The following STAM variants were observed in gnomAD, a reference collection of about 807,000 sequenced individuals.
The protein encoded by STAM is signal transducing adapter molecule 1.
STAM carries 16 observed loss-of-function variants against 63.4 expected under a neutral mutation model. That is an observed-to-expected ratio of 0.25 (90% CI 0.17 to 0.38). The LOEUF is 0.38. Ranked by LOEUF, STAM falls within the 10% of genes least tolerant of loss-of-function variation. STAM has a pLI of 1.00. For synonymous variants in STAM, 238 were observed against 223.9 expected, an observed-to-expected ratio of 1.06 and a Z score of -0.56; for missense variants, 636 against 657.1, an observed-to-expected ratio of 0.97 and a Z score of 0.35.
chr10:17,660,230 CTTTTA>C (rs1834109600), intron 1 of STAM, among the ~76,000 whole-genome samples: 2 of 151,918 alleles, frequency 1.3e-5, no homozygotes, highest in African/African-American at 4.8e-5. Context: ...AAATCAATGC[CTTTTA>C]TTTTATACTA....
chr10:17,682,649 T>C (rs1290378711), intron 2 of STAM, among the ~76,000 whole-genome samples: 3 of 152,208 alleles, frequency 2.0e-5, no homozygotes, highest in Non-Finnish European at 4.4e-5. Context: ...TTATCAGTGT[T>C]TGTTTTATAG....
At chr10:17,653,868 G>A (rs1010055151) in intron 1 of STAM, among the ~76,000 whole-genome samples, 10 of 152,160 alleles carry the variant, frequency 6.6e-5, no homozygotes, top group Non-Finnish European at 1.2e-4. Flanking sequence ...AGACAACTGC[G>A]TATCTCTATT....
intron 5 of STAM, among the ~76,000 whole-genome samples, chr10:17,691,246 C>T (rs929139510): frequency 1.3e-5 from 2 of 152,138 alleles, no homozygotes; most frequent in East Asian, 1.9e-4. Flanking sequence ...TGGCCGGGCG[C>T]GGTGGCTCAC....
At chr10:17,714,315 C>G (rs1554830420) in intron 13 of STAM, among the ~76,000 whole-genome samples, 1 of 151,988 alleles carries the variant, frequency 6.6e-6, no homozygotes, top group African/African-American at 2.4e-5. Context: ...GCAAACCACC[C>G]CCCCCAACTT....
chr10:17,650,508 C>T (rs1224056646), intron 1 of STAM, among the ~76,000 whole-genome samples: 1 of 152,142 alleles, frequency 6.6e-6, no homozygotes, highest in Non-Finnish European at 1.5e-5. Flanking sequence ...TCATACAAGT[C>T]GTGAACTTGG....
chr10:17,649,051 C>T (rs1554821254), intron 1 of STAM, among the ~76,000 whole-genome samples: 1 of 152,176 alleles, frequency 6.6e-6, no homozygotes, highest in Non-Finnish European at 1.5e-5. Context: ...CACACCCATT[C>T]AGGACTCTGT....
At chr10:17,648,892 C>T (rs1480518587) in intron 1 of STAM, among the ~76,000 whole-genome samples, 24 of 152,128 alleles carry the variant, frequency 1.6e-4, no homozygotes, top group African/African-American at 5.8e-4. Flanking sequence ...TCCTGTGTGT[C>T]TGATATGATT....
At chr10:17,706,724 A>T (rs1369065902) in intron 12 of STAM, among the ~76,000 whole-genome samples, 1 of 151,804 alleles carries the variant, frequency 6.6e-6, no homozygotes, top group Non-Finnish European at 1.5e-5. Flanking sequence ...TTACTTAAGA[A>T]CCTTAGTTCT....
chr10:17,692,248 C>T (rs1374529364), intron 5 of STAM, among the ~76,000 whole-genome samples: 1 of 152,176 alleles, frequency 6.6e-6, no homozygotes, highest in African/African-American at 2.4e-5. Flanking sequence ...ACTCATATCG[C>T]AGTACCTTGT....
intron 4 of STAM, among the ~76,000 whole-genome samples, chr10:17,687,217 G>A (rs1192400115): frequency 1.3e-5 from 2 of 152,172 alleles, no homozygotes; most frequent in Non-Finnish European, 2.9e-5. Flanking sequence ...GCTCATGCCT[G>A]TAATCGCAGC....
At chr10:17,695,282 T>A in intron 7 of STAM, 41 bp downstream of exon 7, 1 of 1,565,198 alleles carries the variant, frequency 6.4e-7, no homozygotes, top group Non-Finnish European at 8.7e-7. Flanking sequence ...TGAAAGTGTG[T>A]ATGGCTTCTG....
At chr10:17,684,576 A>T in intron 2 of STAM, 99 bp from the exon 3 acceptor site, 1 of 835,168 alleles carries the variant, frequency 1.2e-6, no homozygotes, top group Admixed American at 2.8e-5. Context: ...ACTTTATCAT[A>T]GTCTCCCTTT....
chr10:17,656,371 C>G (rs1554822159), intron 1 of STAM, among the ~76,000 whole-genome samples: 1 of 151,222 alleles, frequency 6.6e-6, no homozygotes, highest in Non-Finnish European at 1.5e-5. Flanking sequence ...AAATCAAAAG[C>G]ACATTGGAAG....
intron 5 of STAM, among the ~76,000 whole-genome samples, chr10:17,690,618 G>C (rs569118691): frequency 1.2e-4 from 19 of 152,168 alleles, no homozygotes; most frequent in Non-Finnish European, 1.9e-4. Flanking sequence ...AAGCCACTTA[G>C]TTACTTAAGT....
In STAM at chr10:17,669,713, T is replaced by C. The variant is rs534435147; in HGVS notation, c.125+9165T>C. Among the ~76,000 whole-genome samples, 11 of 150,644 alleles carry C rather than the reference T, an allele frequency of 7.3e-5. 1 individual carries two copies. The South Asian group carries it at 1.5e-3, about 20-fold the overall frequency. On this transcript the variant is annotated intron_variant, in intron 2 of 13. Transcript: ENST00000377524. Reference sequence around the variant, plus strand: ...TTTTCTTTCTTTCTTTTTTTTTTTTTCTGAGATGGAGTCTCGCTCTGTCAC... The same window carrying C: ...TTTTCTTTCTTTCTTTTTTTTTTTTCCTGAGATGGAGTCTCGCTCTGTCAC...
chr10:17,668,556 C>T (rs1834494865), intron 2 of STAM, among the ~76,000 whole-genome samples: 1 of 152,162 alleles, frequency 6.6e-6, no homozygotes, highest in Non-Finnish European at 1.5e-5. Context: ...ACGTATCTGT[C>T]ATTACAGTAC....
intron 13 of STAM, among the ~76,000 whole-genome samples, chr10:17,711,622 C>T (rs902194005): frequency 1.3e-5 from 2 of 152,142 alleles, no homozygotes; most frequent in African/African-American, 4.8e-5. Context: ...TGTTCTGTCA[C>T]GTCAGAGATG....
In STAM at chr10:17,707,866, C is replaced by T. The variant is rs541676705; in HGVS notation, c.1210-910C>T. On this transcript the variant is annotated intron_variant, in intron 12 of 13. Coordinates refer to ENST00000377524, the MANE Select transcript of STAM (RefSeq NM_003473.4). ...TTTGAAATACAGAAGTAGACAAATC[C>T]AGCCTGTTGCCTGTTTTTTTTTTTT... is the stretch of plus-strand genomic sequence containing the variant. 3.3e-5 allele frequency among the ~76,000 whole-genome samples: 5 copies of T among 151,366 alleles called. No individual in the cohort carries two copies. The South Asian group carries it at 6.3e-4, about 19-fold the overall frequency.
chr10:17,651,498 C>T (rs1833740266), intron 1 of STAM, among the ~76,000 whole-genome samples: 1 of 152,120 alleles, frequency 6.6e-6, no homozygotes, highest in South Asian at 2.1e-4. Context: ...GTATGTTAAC[C>T]ATCTGATATC....
Sources: gnomAD v4.1 joint callset for allele counts (sites outside exome capture counted in the v4.1 genomes callset) on GRCh38, gnomAD v4.1.1 for gene constraint, MANE v1.5 for transcripts, NCBI Gene and HGNC (gene_info 2026-07-23, HGNC 2026-07-21) for gene names.